The following IGSF9 variants were observed in gnomAD, a reference collection of about 807,000 sequenced individuals.
IGSF9 encodes the protein protein turtle homolog A.
In IGSF9, 87 loss-of-function variants were observed where a neutral mutation model predicts 121.7. The observed-to-expected ratio is 0.71, with a 90% CI of 0.60 to 0.85. The LOEUF (loss-of-function observed/expected upper bound fraction) is 0.85, where lower values mean the gene tolerates loss of function less well. Among genes scored for constraint, IGSF9 ranks in the 40% least tolerant of loss-of-function variants. The pLI is 0.00. For missense variants in IGSF9, 1,462 were observed against 1,565.3 expected (o/e 0.93, Z 1.11); for synonymous variants, 640 against 648.4 (o/e 0.99, Z 0.20).
Position 159,930,441 on chromosome 1 carries a change from T to C in IGSF9, c.1814-2A>G. On this transcript the variant is annotated splice_acceptor_variant, in intron 14 of 20. Transcript: ENST00000368094. LOFTEE classifies it high-confidence loss of function. Reference sequence around the variant, plus strand: ...GTGCAGCTGGCGTGGTAGGAAGCCCTGCGTGGGACAGAAAGGCAGGTCAGA... The same window carrying C: ...GTGCAGCTGGCGTGGTAGGAAGCCCCGCGTGGGACAGAAAGGCAGGTCAGA... 1.3e-6 allele frequency: 2 copies of C among 1,529,884 alleles called. No individual in the cohort carries two copies. Among genetic ancestry groups the C allele is most frequent in the Middle Eastern group, 1.9e-4 (1 of 5,316 alleles). The allele number at this position is 1,529,884 out of a possible 1,614,324, so 94.8% of individuals were successfully genotyped here.
rs756775650 is a variant in IGSF9 at position 159,928,848 on chromosome 1, C to A, written c.2540G>T (p.Arg847Leu). 6.4e-7 allele frequency: 1 copy of A among 1,566,366 alleles called. No individual in the cohort carries two copies. Among genetic ancestry groups the A allele is most frequent in the Admixed American group, 1.9e-5 (1 of 52,306 alleles). The change falls in exon 19 of 21, where the codon CGG becomes CTG. Residue 847 changes from arginine to leucine, a missense_variant. By Grantham distance (102) the Arg-to-Leu change is moderately radical. This residue lies in a region of IGSF9 where 808 missense variants were observed against 815.2 expected (regional missense o/e 0.99). Transcript: ENST00000368094. ...RGPLPLEPIC[R>L]GPDGRFVMGP... is the part of the protein sequence containing the mutation. ...CATCACAAAGCGCCCGTCTGGGCCC[C>A]GGCAAATGGGCTCCAGAGGTAAGGG...
intron 4 of IGSF9, among the ~76,000 whole-genome samples, chr1:159,937,340 G>A (rs1209899580): frequency 6.6e-6 from 1 of 152,068 alleles, no homozygotes; most frequent in Non-Finnish European, 1.5e-5. Flanking sequence ...GAAAACACAA[G>A]GTGCTATATA....
chr1:159,945,512 C>G (rs1651551288), intron 1 of IGSF9, 61 bp downstream of exon 1: 1 of 152,770 alleles, frequency 6.5e-6, no homozygotes. Context: ...TCTCCTGTCC[C>G]CCATAACTCC....
Position 159,931,579 on chromosome 1 carries a change from C to T in IGSF9, c.1387G>A (p.Ala463Thr), listed in dbSNP as rs536233620. 3.7e-6 allele frequency: 6 copies of T among 1,613,966 alleles called. No individual in the cohort carries two copies. In the African/African-American group the frequency reaches 6.7e-5, roughly 18 times the overall value. Residue 463 changes from alanine to threonine, a missense_variant, in exon 12 of 21, where the codon GCC becomes ACC. Physicochemically the swap from Ala to Thr is moderately conservative, Grantham distance 58. This residue lies in a region of IGSF9 where 96 missense variants were observed against 150.7 expected (regional missense o/e 0.64). Coordinates refer to ENST00000368094, the MANE Select transcript of IGSF9 (RefSeq NM_001135050.2). This position sits in a 1 kb window ranked among gnomAD's most constrained non-coding sequence, Gnocchi z 4.8. ...TKVGRGLQGQAQVDSNSSLIL... is the reference protein window; with the variant it reads ...TKVGRGLQGQTQVDSNSSLIL... ...AGGCTGCTGTTGCTGTCCACCTGGGCCTGGCCTTGCAGCCCCCGGCCCACC... is the reference window on the plus strand; with the variant it reads ...AGGCTGCTGTTGCTGTCCACCTGGGTCTGGCCTTGCAGCCCCCGGCCCACC...
chr1:159,937,113 G>A (rs1284285332), intron 4 of IGSF9, among the ~76,000 whole-genome samples: 2 of 152,166 alleles, frequency 1.3e-5, no homozygotes, highest in Non-Finnish European at 2.9e-5. Flanking sequence ...CACTGGCCTG[G>A]GGCTGAACCC....
intron 4 of IGSF9, among the ~76,000 whole-genome samples, chr1:159,937,375 G>T (rs1651228196): frequency 8.0e-6 from 1 of 125,152 alleles, no homozygotes; most frequent in Admixed American, 7.9e-5. Context: ...TTCACTCAGG[G>T]CCCAAGAGCC....
At position 159,928,410 on chromosome 1, in the gene IGSF9, T is replaced by C; in HGVS notation, c.2978A>G (p.Glu993Gly). Residue 993 changes from glutamate (E) to glycine (G), a missense_variant, in exon 19 of 21, where the codon GAG becomes GGG. Glu to Gly is a moderately conservative substitution (Grantham distance 98). Coordinates refer to ENST00000368094, the MANE Select transcript of IGSF9 (RefSeq NM_001135050.2). ...GTCAGCCAGGGCTGTGTAAGGGGGC[T>C]CTGCAGTGGCCCCAGCCCCTACCAC... ...GAVVGAGATA[E>G]PPYTALADWT... 6.2e-7 allele frequency: 1 copy of C among 1,603,210 alleles called. No individual in the cohort carries two copies. The highest frequency in any genetic ancestry group is 1.2e-5 in the South Asian group (1 of 85,872).
rs1308857808 is a variant in IGSF9, at chr1:159,927,297, C to T, written c.*48G>A. 1.9e-6 allele frequency: 3 copies of T among 1,608,478 alleles called. No homozygotes were observed. In the Admixed American group the frequency reaches 5.0e-5, roughly 27 times the overall value. ...AAACTAGGTCTGTCTGGTTGGGGGCCTCCTTTGCAGGTCCATATGCCTTTT... is the reference window on the plus strand; with the variant it reads ...AAACTAGGTCTGTCTGGTTGGGGGCTTCCTTTGCAGGTCCATATGCCTTTT... On this transcript the variant is annotated 3_prime_UTR_variant, in exon 21 of 21. Coordinates refer to ENST00000368094, the MANE Select transcript of IGSF9 (RefSeq NM_001135050.2).
At chr1:159,938,601 C>T (rs903649203) in intron 3 of IGSF9, among the ~76,000 whole-genome samples, 29 of 152,214 alleles carry the variant, frequency 1.9e-4, no homozygotes, top group African/African-American at 6.8e-4. Context: ...CTGGATGCAA[C>T]TATGCACCCC....
In IGSF9 at chr1:159,928,330, T is replaced by C. The variant is rs1426861534; in HGVS notation, c.3058A>G (p.Ser1020Gly). ...CGCCCACTGCTCTGGCTGGTGAGGC[T>C]GCCTCGAGGGGCAGCAGGGAGAAGG... ...PGLLPAAPRG[S>G]LTSQSSGRGS... The change falls in exon 19 of 21, where the codon AGC becomes GGC. Residue 1020 changes from serine (S) to glycine (G), a missense_variant. Ser to Gly is a moderately conservative substitution (Grantham distance 56, BLOSUM62 0). This residue lies in a region of IGSF9 where 808 missense variants were observed against 815.2 expected (regional missense o/e 0.99). Coordinates refer to ENST00000368094, the MANE Select transcript of IGSF9 (RefSeq NM_001135050.2). The C allele has an allele frequency of 6.2e-7, 1 of 1,610,144 alleles. No individual in the cohort carries two copies. Among genetic ancestry groups the C allele is most frequent in the South Asian group, 1.1e-5 (1 of 90,536 alleles).
intron 15 of IGSF9, 39 bp downstream of exon 15, chr1:159,930,150 C>T (rs777155903): frequency 3.4e-5 from 53 of 1,569,648 alleles, no homozygotes; most frequent in Admixed American, 2.0e-4. Context: ...GCAGGAGAGC[C>T]CCTAGGAGGC....
Position 159,928,995 on chromosome 1 carries a change from G to C in IGSF9, c.2393C>G (p.Pro798Arg). 1 of 1,520,776 alleles carries C rather than the reference G, an allele frequency of 6.6e-7. No individual in the cohort carries two copies. The highest frequency in any genetic ancestry group is 8.8e-7 in the Non-Finnish European group (1 of 1,135,814). 94.2% of individuals were successfully genotyped at this position (1,520,776 alleles called of 1,614,324 possible). A position where few individuals can be genotyped will look rare whatever the true frequency, so the allele number is the denominator to read the frequency against. The change falls in exon 19 of 21, where the codon CCT becomes CGT. Residue 798 changes from proline (P) to arginine (R), a missense_variant. Physicochemically the swap from Pro to Arg is moderately radical, Grantham distance 103 (BLOSUM62 -2). Around this residue, in one of 3 missense-constraint regions of IGSF9, gnomAD observed 808 missense variants for 815.2 expected, o/e 0.99. Transcript: ENST00000368094. ...AAPSALGSGSPDSVAKLKLQG... is the reference protein window; with the variant it reads ...AAPSALGSGSRDSVAKLKLQG... ...GAGCTTCAGCTTCGCCACGCTGTCA[G>C]GACTGCCTGAGCCCAGAGCAGAGCT... is the stretch of plus-strand genomic sequence containing the variant.
At chr1:159,936,659 T>A in intron 5 of IGSF9, 95 bp downstream of exon 5, 1 of 1,547,158 alleles carries the variant, frequency 6.5e-7, no homozygotes, top group Non-Finnish European at 8.8e-7. Flanking sequence ...TCCTCCAGCC[T>A]GGCCTTTGCC....
chr1:159,937,640 C>A, intron 4 of IGSF9, 46 bp downstream of exon 4: 2 of 1,586,348 alleles, frequency 1.3e-6, no homozygotes, highest in Non-Finnish European at 1.7e-6. Context: ...GATCCCCATC[C>A]TCCTCCTCCC....
At chr1:159,934,929 C>T in intron 6 of IGSF9, 107 bp from the exon 7 acceptor site, 1 of 1,342,056 alleles carries the variant, frequency 7.5e-7, no homozygotes, top group Non-Finnish European at 1.0e-6. Flanking sequence ...AATCTTAGGG[C>T]TCGTTGTTAC....
chr1:159,932,447 C>A lies in IGSF9; in HGVS notation c.1245+65G>T. 6.4e-7 allele frequency: 1 copy of A among 1,564,368 alleles called. No individual in the cohort carries two copies. Among genetic ancestry groups the A allele is most frequent in the Non-Finnish European group, 8.8e-7 (1 of 1,142,418 alleles). ...CCCACCCCACCCCCATCAGCCTGGC[C>A]TTAGCACCATCTCCAGCCATCTGAC... On this transcript the variant is annotated intron_variant, in intron 10 of 20. Coordinates refer to ENST00000368094, the MANE Select transcript of IGSF9 (RefSeq NM_001135050.2). This position sits in a 1 kb window ranked among gnomAD's most constrained non-coding sequence, Gnocchi z 4.1.
rs1650777670 is a variant in IGSF9, at chr1:159,927,414, A to T, written c.3471T>A (p.Asp1157Glu). ...AGGCTGGTAGCCGAGCCCTAGTAGC[A>T]TCTCGGCGGCGGCGGAAGGCCAGGA... ...EEFLAFRRRR[D>E]ATRARLPAYR... The change falls in exon 21 of 21, where the codon GAT becomes GAA. Residue 1157 changes from aspartate (D) to glutamate (E), a missense_variant. Coordinates refer to ENST00000368094, the MANE Select transcript of IGSF9 (RefSeq NM_001135050.2). 1 of 1,613,596 alleles carries T rather than the reference A, an allele frequency of 6.2e-7. No homozygotes were observed. Among genetic ancestry groups the T allele is most frequent in the South Asian group, 1.1e-5 (1 of 91,046 alleles).
chr1:159,945,490 A>T (rs1053823045), intron 1 of IGSF9, 83 bp downstream of exon 1: 3 of 152,254 alleles, frequency 2.0e-5, no homozygotes, highest in African/African-American at 7.3e-5. Flanking sequence ...TTCTCTCTAG[A>T]ACTCCCCGCT....
rs148488770 is a variant in IGSF9, at chr1:159,932,267, G to A, written c.1245+245C>T. On this transcript the variant is annotated intron_variant, in intron 10 of 20. Coordinates refer to ENST00000368094, the MANE Select transcript of IGSF9 (RefSeq NM_001135050.2). The surrounding 1 kb of genome is among the most constrained non-coding windows in gnomAD (Gnocchi z 4.1). ...GGCAGCACGGTCAAGGTTAGTGAGA[G>A]TTGGGGCAAACAGGATATCTTACTT... 1 of 588,382 alleles carries A rather than the reference G, an allele frequency of 1.7e-6. No homozygotes were observed. Among genetic ancestry groups the A allele is most frequent in the Non-Finnish European group, 3.0e-6 (1 of 330,762 alleles). 36.4% of individuals were successfully genotyped at this position (588,382 alleles called of 1,614,324 possible).
Sources: gnomAD v4.1 joint callset for allele counts (sites outside exome capture counted in the v4.1 genomes callset) on GRCh38, gnomAD v4.1.1 for gene constraint, gnomAD v4.1.1 regional missense constraint, Gnocchi (gnomAD v3.1) non-coding constraint, MANE v1.5 for transcripts, NCBI Gene and HGNC (gene_info 2026-07-23, HGNC 2026-07-21) for gene names.